Variants in C8orf34 observed in about 807,000 individuals in gnomAD.
The protein encoded by C8orf34 is chromosome 8 open reading frame 34, also known as uncharacterized protein C8orf34.
In C8orf34, 65 loss-of-function variants were observed where a neutral mutation model predicts 68.3. The ratio of observed to expected loss-of-function variants is 0.95; its 90% CI spans 0.78 to 1.17. The LOEUF (loss-of-function observed/expected upper bound fraction) is 1.17. Ranked by LOEUF, C8orf34 falls within the 50% of genes most tolerant of loss-of-function variation. The pLI is 0.00. For synonymous variants in C8orf34, 244 were observed against 241.2 expected, an observed-to-expected ratio of 1.01 and a Z score of -0.11; for missense variants, 664 against 655.4, an observed-to-expected ratio of 1.01 and a Z score of -0.14.
chr8:68,726,856 C>T (rs371061700), intron 10 of C8orf34, among the ~76,000 whole-genome samples: 7 of 152,008 alleles, frequency 4.6e-5, no homozygotes, highest in East Asian at 3.9e-4. Flanking sequence ...TAACCTCCCC[C>T]GGGTCCCTCC....
At position 68,468,596 on chromosome 8, in the gene C8orf34, A is replaced by C. The variant is rs1416633977; in HGVS notation, c.608-96A>C. On this transcript the variant is annotated intron_variant, in intron 3 of 13. Coordinates refer to ENST00000518698, the MANE Select transcript of C8orf34 (RefSeq NM_052958.4). ...TCAAGATAAACACTTTTTATTCTAT[A>C]CATTGATCTTGGTACAGTCTTTCAC... The C allele has an allele frequency of 8.2e-6, 10 of 1,214,176 alleles. No homozygotes were observed. In the South Asian group the frequency reaches 1.5e-4, roughly 19 times the overall value. The allele number at this position is 1,214,176 out of a possible 1,614,324, so 75.2% of individuals were successfully genotyped here. A position where few individuals can be genotyped will look rare whatever the true frequency, so the allele number is the denominator to read the frequency against.
Position 68,603,521 on chromosome 8 carries a change from ATATCTATCTATCTATCTATC to A in C8orf34, c.1106-36821_1106-36802del, listed in dbSNP as rs10542466. ...TGTGTATGTATATGTATATATACATATATCTATCTATCTATCTATCTATCTATCTATCTATCTATCTATCT... is the reference window on the plus strand; with the variant it reads ...TGTGTATGTATATGTATATATACATATATCTATCTATCTATCTATCTATCT... On this transcript the variant is annotated intron_variant, in intron 7 of 13. Coordinates refer to ENST00000518698, the MANE Select transcript of C8orf34 (RefSeq NM_052958.4). 4.1e-4 allele frequency among the ~76,000 whole-genome samples: 57 copies of A among 140,554 alleles called. No homozygotes were observed. The East Asian group carries it at 0.011, about 27-fold the overall frequency. 92.2% of individuals were successfully genotyped at this position (140,554 alleles called of 152,430 possible).
At chr8:68,433,953 A>G (rs556825657) in intron 1 of C8orf34, among the ~76,000 whole-genome samples, 1 of 152,274 alleles carries the variant, frequency 6.6e-6, no homozygotes, top group East Asian at 1.9e-4. Flanking sequence ...CAATCATGCT[A>G]ATTTTCTAAA....
chr8:68,560,470 C>T (rs867471537), intron 7 of C8orf34, among the ~76,000 whole-genome samples: 5 of 152,146 alleles, frequency 3.3e-5, no homozygotes, highest in Non-Finnish European at 5.9e-5. Context: ...CTTCACTTAA[C>T]GATGGGGACA....
intron 5 of C8orf34, 53 bp from the exon 6 acceptor site, chr8:68,521,746 C>T (rs1403269937): frequency 4.7e-6 from 7 of 1,490,770 alleles, no homozygotes; most frequent in Middle Eastern, 1.8e-4. Flanking sequence ...TCCCTGTTGT[C>T]CTGTTAATAA....
intron 7 of C8orf34, among the ~76,000 whole-genome samples, chr8:68,608,392 G>A (rs572856111): frequency 6.6e-6 from 1 of 152,100 alleles, no homozygotes; most frequent in East Asian, 1.9e-4. Flanking sequence ...CTAGAGCTAT[G>A]GGGAGAGGGT....
intron 7 of C8orf34, among the ~76,000 whole-genome samples, chr8:68,553,020 ATTT>A (rs1816126501): frequency 6.6e-6 from 1 of 151,784 alleles, no homozygotes; most frequent in Non-Finnish European, 1.5e-5. Context: ...GTTTTGTTTT[ATTT>A]TATTTTAATG....
chr8:68,592,081 C>A (rs1817406145), intron 7 of C8orf34, among the ~76,000 whole-genome samples: 1 of 152,072 alleles, frequency 6.6e-6, no homozygotes, highest in Non-Finnish European at 1.5e-5. Flanking sequence ...TACAAGTTGA[C>A]CTTTGGCTTC....
At chr8:68,658,895 C>A (rs1221173188) in intron 8 of C8orf34, among the ~76,000 whole-genome samples, 1 of 152,056 alleles carries the variant, frequency 6.6e-6, no homozygotes, top group Non-Finnish European at 1.5e-5. Flanking sequence ...GCTTTAAAGT[C>A]ATTTTTAAGC....
At chr8:68,402,173 G>T (rs946544995) in intron 1 of C8orf34, among the ~76,000 whole-genome samples, 10 of 151,934 alleles carry the variant, frequency 6.6e-5, no homozygotes, top group African/African-American at 2.2e-4. Context: ...TTTCCTGTGG[G>T]TTCTCTAATT....
intron 12 of C8orf34, among the ~76,000 whole-genome samples, chr8:68,798,295 T>TC (rs1199712190): frequency 2.0e-5 from 3 of 149,770 alleles, no homozygotes; most frequent in Non-Finnish European, 4.4e-5. Context: ...TGGCTTTTTT[T>TC]TTTTTTTTTT....
intron 1 of C8orf34, among the ~76,000 whole-genome samples, chr8:68,389,998 G>A (rs923291875): frequency 1.3e-5 from 2 of 152,110 alleles, no homozygotes; most frequent in Non-Finnish European, 2.9e-5. Context: ...AGTTACTCTT[G>A]AAGGGGTCAC....
At chr8:68,344,418 A>G (rs78346550) in intron 1 of C8orf34, among the ~76,000 whole-genome samples, 2,497 of 152,292 alleles carry the variant, frequency 0.016, 81 homozygotes, top group African/African-American at 0.057. Flanking sequence ...GAGGAAAGTG[A>G]ATGAAACAAT....
At chr8:68,598,443 C>G (rs984733824) in intron 7 of C8orf34, among the ~76,000 whole-genome samples, 2 of 152,140 alleles carry the variant, frequency 1.3e-5, no homozygotes, top group African/African-American at 4.8e-5. Flanking sequence ...AGTCCAGTTC[C>G]TCAGACAGCA....
chr8:68,471,697 T>C (rs1812383762), intron 4 of C8orf34, among the ~76,000 whole-genome samples: 2 of 152,110 alleles, frequency 1.3e-5, no homozygotes. Context: ...GGACCTTTCT[T>C]TCCAGTGGCA....
rs1399222732 is a variant in C8orf34 at position 68,729,718 on chromosome 8, A to G, written c.1404+8281A>G. On this transcript the variant is annotated intron_variant, in intron 10 of 13. Coordinates refer to ENST00000518698, the MANE Select transcript of C8orf34 (RefSeq NM_052958.4). The stretch of plus-strand genomic sequence containing the variant: ...TGTACTCATATAATTCTTGTATAAA[A>G]CATGGGTGAGGAATAGTTCTTTAGT... 2.0e-5 allele frequency among the ~76,000 whole-genome samples: 3 copies of G among 152,182 alleles called. No individual in the cohort carries two copies. In the East Asian group the frequency reaches 5.8e-4, roughly 29 times the overall value.
intron 7 of C8orf34, chr8:68,535,546 T>G (rs2129863860): frequency 1.1e-6 from 1 of 890,674 alleles, no homozygotes; most frequent in South Asian, 5.2e-5. Context: ...CTAGTAGAAG[T>G]TAGTAATAAC....
chr8:68,569,963 C>T (rs547689925), intron 7 of C8orf34, among the ~76,000 whole-genome samples: 1 of 152,222 alleles, frequency 6.6e-6, no homozygotes, highest in East Asian at 1.9e-4. Flanking sequence ...GCACCAAAGT[C>T]TCTCTTCAGG....
chr8:68,486,693 C>T (rs935755418), intron 4 of C8orf34, among the ~76,000 whole-genome samples: 2 of 152,118 alleles, frequency 1.3e-5, no homozygotes. Context: ...CCCTCCACAT[C>T]TATACCCGAG....
Sources: gnomAD v4.1 joint callset for allele counts (sites outside exome capture counted in the v4.1 genomes callset) on GRCh38, gnomAD v4.1.1 for gene constraint, MANE v1.5 for transcripts, NCBI Gene and HGNC (gene_info 2026-07-23, HGNC 2026-07-21) for gene names.